The following TTC17 variants were observed in gnomAD, a reference collection of about 807,000 sequenced individuals.
TTC17 encodes the protein tetratricopeptide repeat domain 17.
A neutral mutation model predicts 143.8 loss-of-function variants in TTC17; 58 were observed. That is an observed-to-expected ratio of 0.40 (90% CI 0.33 to 0.50). The LOEUF (loss-of-function observed/expected upper bound fraction) is 0.50. Among genes scored for constraint, TTC17 ranks in the 20% least tolerant of loss-of-function variants. TTC17 has a pLI of 0.49. For missense variants in TTC17, 1,273 were observed against 1,392.5 expected, an observed-to-expected ratio of 0.91 and a Z score of 1.37; for synonymous variants, 501 against 497.8, an observed-to-expected ratio of 1.01 and a Z score of -0.09.
chr11:43,443,715 T>C (rs936962721), intron 17 of TTC17, 131 bp downstream of exon 17: 6 of 1,201,988 alleles, frequency 5.0e-6, no homozygotes, highest in Non-Finnish European at 6.9e-6. Context: ...GCCTTCACAT[T>C]GGAATTTTAT....
intron 3 of TTC17, among the ~76,000 whole-genome samples, chr11:43,390,560 G>GAC (rs879733140): frequency 0.038 from 5,770 of 151,294 alleles, 154 homozygotes; most frequent in South Asian, 0.11. Flanking sequence ...AGCTTGCAGT[G>GAC]AGCCAAGATG....
intron 1 of TTC17, among the ~76,000 whole-genome samples, chr11:43,368,394 A>G (rs936612441): frequency 1.3e-5 from 2 of 152,062 alleles, no homozygotes; most frequent in African/African-American, 4.8e-5. Context: ...TTGATTTTCT[A>G]CCCCACCACA....
chr11:43,476,738 A>G (rs1948190982), intron 21 of TTC17, among the ~76,000 whole-genome samples: 1 of 152,032 alleles, frequency 6.6e-6, no homozygotes, highest in South Asian at 2.1e-4. Context: ...CCACAAAACC[A>G]CTTTTTCCTC....
At chr11:43,362,148 T>TG (rs1590295758) in intron 1 of TTC17, among the ~76,000 whole-genome samples, 2 of 106,842 alleles carry the variant, frequency 1.9e-5, no homozygotes, top group East Asian at 2.9e-4. Context: ...ACCCGGCTAA[T>TG]TTGTGTGTGT....
chr11:43,405,491 G>GCATTTAGCATAT, intron 11 of TTC17, 23 bp from the exon 12 acceptor site: 2 of 1,568,642 alleles, frequency 1.3e-6, no homozygotes, highest in Non-Finnish European at 1.7e-6. Context: ...AGAAATTTAT[G>GCATTTAGCATAT]AGAAATTTTG....
Position 43,444,041 on chromosome 11 carries a change from G to A in TTC17, c.2512-15G>A. The A allele has an allele frequency of 6.3e-7, 1 of 1,591,690 alleles. No homozygotes were observed. The highest frequency in any genetic ancestry group is 2.2e-5 in the East Asian group (1 of 44,582). ...CACTGGTCTCATTTGTCCCTAACAT[G>A]TTTCTGTTTCCCAGATTACATTCCA... is the stretch of plus-strand genomic sequence containing the variant. On this transcript the variant is annotated splice_polypyrimidine_tract_variant and intron_variant, in intron 17 of 23. Coordinates refer to ENST00000039989, the MANE Select transcript of TTC17 (RefSeq NM_018259.6).
intron 13 of TTC17, 73 bp from the exon 14 acceptor site, chr11:43,407,065 C>T: frequency 9.0e-6 from 9 of 996,712 alleles, no homozygotes; most frequent in Non-Finnish European, 1.2e-5. Context: ...AAAAGACTGC[C>T]ATCTATAGAA....
intron 11 of TTC17, among the ~76,000 whole-genome samples, chr11:43,404,835 A>AT (rs1215985207): frequency 1.3e-5 from 2 of 152,212 alleles, no homozygotes; most frequent in African/African-American, 4.8e-5. Flanking sequence ...TTTAGAGAAA[A>AT]TTAACATTTT....
intron 6 of TTC17, 74 bp from the exon 7 acceptor site, chr11:43,397,273 C>A: frequency 6.6e-7 from 1 of 1,513,552 alleles, no homozygotes; most frequent in Non-Finnish European, 8.9e-7. Flanking sequence ...TTCCTAAGCA[C>A]AAGTAACTTT....
intron 16 of TTC17, among the ~76,000 whole-genome samples, chr11:43,416,608 G>A (rs1946785003): frequency 6.6e-6 from 1 of 152,028 alleles, no homozygotes; most frequent in Non-Finnish European, 1.5e-5. Flanking sequence ...ATAGTCCAGA[G>A]AATTCAGAGA....
chr11:43,404,023 G>C lies in TTC17; in HGVS notation c.1358G>C (p.Ser453Thr), dbSNP rs762539862. Residue 453 changes from serine (S) to threonine (T), a missense_variant, in exon 11 of 24, where the codon AGT (serine) becomes ACT (threonine). By Grantham distance (58) the Ser-to-Thr change is moderately conservative. This residue lies in a region of TTC17 where 878 missense variants were observed against 899.8 expected (regional missense o/e 0.98). Transcript: ENST00000039989. ...VQFGEDSSTSSMMSVNFDVQS... is the reference protein window; with the variant it reads ...VQFGEDSSTSTMMSVNFDVQS... ...TTTGGTGAGGATTCATCAACCTCCA[G>C]TATGATGTCTGTGAACTTTGATGTT... 1 of 1,610,644 alleles carries C rather than the reference G, an allele frequency of 6.2e-7. No homozygotes were observed. The highest frequency in any genetic ancestry group is 1.1e-5 in the South Asian group (1 of 90,400).
At chr11:43,460,815 G>A (rs1947851725) in intron 21 of TTC17, among the ~76,000 whole-genome samples, 1 of 152,154 alleles carries the variant, frequency 6.6e-6, no homozygotes, top group African/African-American at 2.4e-5. Flanking sequence ...CTCCAGCAGG[G>A]TCCTGGGCCA....
At chr11:43,469,874 G>A (rs1476584807) in intron 21 of TTC17, among the ~76,000 whole-genome samples, 2 of 152,160 alleles carry the variant, frequency 1.3e-5, no homozygotes, top group Non-Finnish European at 2.9e-5. Flanking sequence ...CTAAAAGCTG[G>A]AAGATGCTTT....
chr11:43,475,035 G>T (rs1948159564), intron 21 of TTC17, among the ~76,000 whole-genome samples: 1 of 151,988 alleles, frequency 6.6e-6, no homozygotes, highest in African/African-American at 2.4e-5. Flanking sequence ...GGAAGGGGAG[G>T]CAGGAGAGGC....
intron 8 of TTC17, among the ~76,000 whole-genome samples, chr11:43,398,988 A>G (rs1269605150): frequency 2.0e-5 from 3 of 152,208 alleles, no homozygotes; most frequent in Non-Finnish European, 4.4e-5. Flanking sequence ...CACAATCTGT[A>G]TAGTTCCTAA....
chr11:43,394,307 T>G (rs1406614065), intron 5 of TTC17, among the ~76,000 whole-genome samples: 1 of 152,234 alleles, frequency 6.6e-6, no homozygotes, highest in Non-Finnish European at 1.5e-5. Flanking sequence ...ACTCCAAGTG[T>G]GCTGAGAAGT....
intron 2 of TTC17, among the ~76,000 whole-genome samples, chr11:43,389,240 AAAT>A (rs1857289227): frequency 6.6e-6 from 1 of 152,174 alleles, no homozygotes; most frequent in Non-Finnish European, 1.5e-5. Context: ...ACATTTGAAA[AAAT>A]AGATATTTTA....
chr11:43,428,107 C>T (rs1475465542), intron 16 of TTC17, among the ~76,000 whole-genome samples: 1 of 152,136 alleles, frequency 6.6e-6, no homozygotes, highest in Non-Finnish European at 1.5e-5. Context: ...TAGGAGCTAA[C>T]ATGTCTGACA....
chr11:43,408,156 G>C (rs1391661386), intron 15 of TTC17, among the ~76,000 whole-genome samples: 1 of 152,060 alleles, frequency 6.6e-6, no homozygotes, highest in Non-Finnish European at 1.5e-5. Flanking sequence ...TGTTATAATT[G>C]CTGTCATTTT....
Sources: allele counts gnomAD v4.1 joint callset (sites outside exome capture counted in the v4.1 genomes callset), GRCh38; gene constraint gnomAD v4.1.1; regional missense constraint gnomAD v4.1.1; transcripts MANE v1.5; gene names NCBI Gene and HGNC (gene_info 2026-07-23, HGNC 2026-07-21).